The following DISP1 variants were observed in gnomAD, a reference collection of about 807,000 sequenced individuals.
The protein encoded by DISP1 is dispatched RND transporter family member 1, also known as protein dispatched homolog 1.
Under a neutral mutation model 37.3 loss-of-function variants are expected in DISP1, and 30 were observed. The observed-to-expected ratio is 0.80, with a 90% confidence interval of 0.60 to 1.09. The LOEUF (loss-of-function observed/expected upper bound fraction) is 1.09. DISP1 is among the 50% of genes least tolerant of loss of function. DISP1 has a pLI of 0.00. For missense variants in DISP1, 1,598 were observed against 1,879.5 expected (o/e 0.85, Z 2.77); for synonymous variants, 634 against 690.2 (o/e 0.92, Z 1.28).
chr1:222,973,984 T>C (rs1558061949), intron 3 of DISP1, among the ~76,000 whole-genome samples: 1 of 152,164 alleles, frequency 6.6e-6, no homozygotes. Flanking sequence ...GACAGTCTCT[T>C]ATTCTAATTA....
In DISP1 at chr1:223,004,595, C is replaced by T. The variant is rs1177270282; in HGVS notation, c.3198C>T (p.Pro1066=). The T allele has an allele frequency of 4.3e-6, 7 of 1,614,130 alleles. No homozygotes were observed. The highest frequency in any genetic ancestry group is 2.2e-5 in the East Asian group (1 of 44,878). The change falls in exon 9 of 9, where the codon CCC becomes CCT. Residue 1066 remains proline, a synonymous_variant. Coordinates refer to ENST00000675850, the MANE Select transcript of DISP1 (RefSeq NM_001377229.1). This position sits in a 1 kb window ranked among gnomAD's most constrained non-coding sequence, Gnocchi z 4.9. ...TTGCCTACCGCTTGGCTCCAGATCCCGACCGAGAAGGCAAAGTGATCTTCT... is the reference window on the plus strand; with the variant it reads ...TTGCCTACCGCTTGGCTCCAGATCCTGACCGAGAAGGCAAAGTGATCTTCT... The part of the protein sequence containing the change: ...YGVAYRLAPD[P]DREGKVIFSL...
chr1:222,968,076 G>T (rs1446178626), intron 3 of DISP1, among the ~76,000 whole-genome samples: 1 of 152,064 alleles, frequency 6.6e-6, no homozygotes, highest in Admixed American at 6.5e-5. Context: ...GTGATTCTGC[G>T]AAAAGAACTG....
intron 1 of DISP1, among the ~76,000 whole-genome samples, chr1:222,925,308 T>C (rs1016359342): frequency 1.3e-5 from 2 of 152,162 alleles, no homozygotes; most frequent in South Asian, 4.1e-4. Flanking sequence ...GGGATTTCTT[T>C]ATAGGATCAA....
At chr1:222,825,202 C>T (rs1342083487) in intron 1 of DISP1, among the ~76,000 whole-genome samples, 1 of 152,072 alleles carries the variant, frequency 6.6e-6, no homozygotes, top group Non-Finnish European at 1.5e-5. Flanking sequence ...TTCAAGCATT[C>T]TTGAGAGTCT....
At position 222,850,888 on chromosome 1, in the gene DISP1, A is replaced by G. The variant is rs192837077; in HGVS notation, c.-159+35810A>G. Among the ~76,000 whole-genome samples, 250 of 152,096 alleles carry G rather than the reference A, an allele frequency of 1.6e-3. 2 individuals are homozygous for G. Among genetic ancestry groups the G allele is most frequent in the African/African-American group, 5.9e-3 (243 of 41,482 alleles). The stretch of plus-strand genomic sequence containing the variant: ...TGATTTCATGTTTCTGCTATTGTGA[A>G]TAGTGCCAACTCCTGTTCTTTTATC... On this transcript the variant is annotated intron_variant, in intron 1 of 8. Coordinates refer to ENST00000675850, the MANE Select transcript of DISP1 (RefSeq NM_001377229.1).
At chr1:222,896,002 C>T (rs892273210) in intron 1 of DISP1, among the ~76,000 whole-genome samples, 1 of 152,122 alleles carries the variant, frequency 6.6e-6, no homozygotes, top group African/African-American at 2.4e-5. Context: ...TCAAAAGATA[C>T]CATTTAAAAA....
At chr1:222,966,455 C>G (rs1004922831) in intron 3 of DISP1, among the ~76,000 whole-genome samples, 17 of 152,136 alleles carry the variant, frequency 1.1e-4, no homozygotes, top group African/African-American at 3.9e-4. Flanking sequence ...TCAATTAAAT[C>G]TCATCTAGGA....
intron 1 of DISP1, among the ~76,000 whole-genome samples, chr1:222,870,681 T>C (rs990655069): frequency 3.3e-5 from 5 of 152,256 alleles, no homozygotes; most frequent in African/African-American, 9.6e-5. Flanking sequence ...TTGTAGATTC[T>C]GGATATTAGC....
chr1:222,932,797 T>C (rs2125460974), intron 2 of DISP1, among the ~76,000 whole-genome samples: 1 of 152,058 alleles, frequency 6.6e-6, no homozygotes, highest in South Asian at 2.1e-4. Context: ...TGGATGAACC[T>C]GGAAAAGAGA....
chr1:222,927,941 T>G (rs1426075227), intron 1 of DISP1, among the ~76,000 whole-genome samples: 2 of 152,238 alleles, frequency 1.3e-5, no homozygotes, highest in Non-Finnish European at 2.9e-5. Context: ...CCATGAACTT[T>G]CTGTCCTAAA....
At chr1:222,936,941 T>TAC in intron 2 of DISP1, among the ~76,000 whole-genome samples, 1 of 95,200 alleles carries the variant, frequency 1.1e-5, no homozygotes, top group Non-Finnish European at 1.9e-5. Context: ...TAATATATAT[T>TAC]ATATATTACA....
At position 222,854,224 on chromosome 1, in the gene DISP1, G is replaced by A. The variant is rs544062199; in HGVS notation, c.-159+39146G>A. Among the ~76,000 whole-genome samples the A allele has an allele frequency of 3.9e-5, 6 of 152,300 alleles. No individual in the cohort carries two copies. In the South Asian group the frequency reaches 6.2e-4, roughly 16 times the overall value. On this transcript the variant is annotated intron_variant, in intron 1 of 8. Transcript: ENST00000675850. ...TCATAGAAGCTAGGCGTCTTAGTCC[G>A]TTCTCATGCTGCTGTCAAGAACTGC...
intron 3 of DISP1, among the ~76,000 whole-genome samples, chr1:222,973,613 T>A (rs1035263983): frequency 2.0e-5 from 3 of 152,258 alleles, no homozygotes; most frequent in Admixed American, 6.5e-5. Flanking sequence ...AGAATCTTCT[T>A]ATTAATAAGT....
At chr1:222,957,285 G>A (rs567898328) in intron 3 of DISP1, among the ~76,000 whole-genome samples, 2 of 151,912 alleles carry the variant, frequency 1.3e-5, no homozygotes, top group East Asian at 1.9e-4. Context: ...AGAGAAAAAT[G>A]TGTTTAAAAA....
At chr1:222,904,405 T>C (rs949676414) in intron 1 of DISP1, among the ~76,000 whole-genome samples, 43 of 152,120 alleles carry the variant, frequency 2.8e-4, no homozygotes, top group Admixed American at 5.9e-4. Flanking sequence ...AACATATTTA[T>C]AGATGTTTTC....
At chr1:222,858,902 A>T (rs1668712333) in intron 1 of DISP1, among the ~76,000 whole-genome samples, 1 of 152,206 alleles carries the variant, frequency 6.6e-6, no homozygotes, top group African/African-American at 2.4e-5. Context: ...AATTAATTCA[A>T]CCATTGTGGA....
intron 3 of DISP1, among the ~76,000 whole-genome samples, chr1:222,962,632 T>C (rs1572636007): frequency 6.6e-6 from 1 of 152,280 alleles, no homozygotes; most frequent in East Asian, 1.9e-4. Context: ...ACCACACATG[T>C]ACAACCATCT....
chr1:222,858,492 A>T (rs894144931), intron 1 of DISP1, among the ~76,000 whole-genome samples: 1 of 152,200 alleles, frequency 6.6e-6, no homozygotes, highest in African/African-American at 2.4e-5. Context: ...GATCTAGTTA[A>T]ACTAAAGAGC....
chr1:222,904,104 A>G (rs1671765784), intron 1 of DISP1, among the ~76,000 whole-genome samples: 1 of 152,218 alleles, frequency 6.6e-6, no homozygotes, highest in South Asian at 2.1e-4. Context: ...GGAAGGATGA[A>G]GCTAGTAAGT....
Sources: gnomAD v4.1 joint callset for allele counts (sites outside exome capture counted in the v4.1 genomes callset) on GRCh38, gnomAD v4.1.1 for gene constraint, Gnocchi (gnomAD v3.1) non-coding constraint, MANE v1.5 for transcripts, NCBI Gene and HGNC (gene_info 2026-07-23, HGNC 2026-07-21) for gene names.